HECW1: variants seen among roughly 807,000 people sequenced by gnomAD.
HECW1 encodes E3 ubiquitin-protein ligase HECW1.
In HECW1, 61 loss-of-function variants were observed where a neutral mutation model predicts 182.3. The ratio of observed to expected loss-of-function variants is 0.33; its 90% CI spans 0.27 to 0.41. HECW1 has a LOEUF of 0.41. HECW1 is among the 10% of genes least tolerant of loss of function. The pLI is 1.00. For missense variants in HECW1, 1,739 were observed against 2,108.9 expected (o/e 0.82, Z 3.44); for synonymous variants, 859 against 832.6 (o/e 1.03, Z -0.55).
In HECW1 at chr7:43,557,679, G is replaced by C. The variant is rs192310501; in HGVS notation, c.4709+2889G>C. Among the ~76,000 whole-genome samples, 132 of 152,170 alleles carry C rather than the reference G, an allele frequency of 8.7e-4. 1 individual carries two copies. Among genetic ancestry groups the C allele is most frequent in the African/African-American group, 3.1e-3 (128 of 41,494 alleles). ...GTCATAATAAGTTAGAAGTTCAGAG[G>C]GTCAGAAGGAACCAAAGATCTATCT... is the stretch of plus-strand genomic sequence containing the variant. On this transcript the variant is annotated intron_variant, in intron 29 of 29. Transcript: ENST00000395891.
intron 2 of HECW1, among the ~76,000 whole-genome samples, chr7:43,133,039 A>T (rs1787131455): frequency 6.6e-6 from 1 of 152,132 alleles, no homozygotes; most frequent in Non-Finnish European, 1.5e-5. Flanking sequence ...CTAAACATTG[A>T]ATTTGGGGGA....
intron 8 of HECW1, among the ~76,000 whole-genome samples, chr7:43,434,662 A>T (rs1174882903): frequency 6.6e-6 from 1 of 151,984 alleles, no homozygotes; most frequent in African/African-American, 2.4e-5. Flanking sequence ...GTCTACATGG[A>T]CTCCAGTAAC....
chr7:43,362,625 C>T lies in HECW1; in HGVS notation c.555+1645C>T, dbSNP rs533027415. 1.4e-4 allele frequency among the ~76,000 whole-genome samples: 22 copies of T among 152,274 alleles called. No individual in the cohort carries two copies. In the East Asian group the frequency reaches 3.9e-3, roughly 27 times the overall value. On this transcript the variant is annotated intron_variant, in intron 6 of 29. Transcript: ENST00000395891. ...CCAGACATGTCCTGACACCTGTTAG[C>T]CAATCATTGAGGGTGGAGTGACAAC...
chr7:43,463,456 A>G (rs2077655781), intron 13 of HECW1, among the ~76,000 whole-genome samples: 1 of 152,206 alleles, frequency 6.6e-6, no homozygotes, highest in Non-Finnish European at 1.5e-5. Context: ...AACTCATCAT[A>G]GCTTGCAAAA....
intron 17 of HECW1, among the ~76,000 whole-genome samples, chr7:43,488,694 GA>G (rs1236841031): frequency 2.6e-5 from 4 of 152,106 alleles, no homozygotes; most frequent in Non-Finnish European, 4.4e-5. Context: ...AGCCCTGCCT[GA>G]AACTGTCTTC....
At chr7:43,388,939 G>A (rs957905092) in intron 6 of HECW1, among the ~76,000 whole-genome samples, 4 of 152,188 alleles carry the variant, frequency 2.6e-5, no homozygotes, top group Non-Finnish European at 5.9e-5. Context: ...TTCACAGGCC[G>A]AGGGGACAGC....
intron 16 of HECW1, among the ~76,000 whole-genome samples, chr7:43,477,040 A>G (rs2078242512): frequency 6.6e-6 from 1 of 152,296 alleles, no homozygotes; most frequent in South Asian, 2.1e-4. Context: ...GGGAACAGAC[A>G]TCGCAGGCAA....
intron 2 of HECW1, among the ~76,000 whole-genome samples, chr7:43,189,319 G>A (rs550029732): frequency 9.2e-5 from 14 of 152,124 alleles, no homozygotes; most frequent in Non-Finnish European, 1.9e-4. Context: ...GATTCAGTAG[G>A]TGAGGGTGGG....
intron 2 of HECW1, among the ~76,000 whole-genome samples, chr7:43,189,800 A>G (rs1172631950): frequency 6.6e-6 from 1 of 152,208 alleles, no homozygotes; most frequent in Non-Finnish European, 1.5e-5. Context: ...CAATTAACCA[A>G]ACTTTAAGTA....
At chr7:43,378,793 G>A (rs2074426094) in intron 6 of HECW1, among the ~76,000 whole-genome samples, 1 of 151,258 alleles carries the variant, frequency 6.6e-6, no homozygotes, top group Non-Finnish European at 1.5e-5. Flanking sequence ...GCAACAGAGT[G>A]AGACTGTCTC....
intron 8 of HECW1, among the ~76,000 whole-genome samples, chr7:43,435,696 T>C (rs942299028): frequency 3.2e-4 from 49 of 152,182 alleles, no homozygotes; most frequent in Admixed American, 3.0e-3. Flanking sequence ...AGAGGGTGGC[T>C]GCTCCATCAG....
intron 2 of HECW1, among the ~76,000 whole-genome samples, chr7:43,139,616 C>T (rs867021809): frequency 6.6e-6 from 1 of 152,078 alleles, no homozygotes; most frequent in African/African-American, 2.4e-5. Flanking sequence ...TTGTTTCCAC[C>T]TCCATTTTAT....
At chr7:43,252,113 C>T (rs1298412429) in intron 3 of HECW1, among the ~76,000 whole-genome samples, 3 of 152,226 alleles carry the variant, frequency 2.0e-5, no homozygotes, top group Non-Finnish European at 4.4e-5. Flanking sequence ...CAGAACCATA[C>T]ACCTGCGAGC....
At chr7:43,488,492 A>G (rs1051276041) in intron 17 of HECW1, among the ~76,000 whole-genome samples, 44 of 132,470 alleles carry the variant, frequency 3.3e-4, no homozygotes, top group African/African-American at 7.9e-4. Context: ...AAGAAAGAGA[A>G]AGAAAGAAAG....
chr7:43,238,060 G>T (rs1798548359), intron 2 of HECW1, among the ~76,000 whole-genome samples: 3 of 152,188 alleles, frequency 2.0e-5, no homozygotes, highest in Admixed American at 2.0e-4. Context: ...TGTTTTTAAT[G>T]AAAACACCCT....
intron 8 of HECW1, among the ~76,000 whole-genome samples, chr7:43,431,360 G>A (rs746175390): frequency 2.0e-5 from 3 of 152,104 alleles, no homozygotes; most frequent in Non-Finnish European, 4.4e-5. Flanking sequence ...TGCATTCCTA[G>A]CTATGTCACT....
chr7:43,201,460 C>T (rs150655718), intron 2 of HECW1, among the ~76,000 whole-genome samples: 20 of 152,324 alleles, frequency 1.3e-4, no homozygotes, highest in East Asian at 1.9e-4. Context: ...TGAGAATCCA[C>T]GCTCAATGGG....
At chr7:43,199,917 ATTTTAAGATTTAATTCTG>A (rs1794877751) in intron 2 of HECW1, among the ~76,000 whole-genome samples, 2 of 152,120 alleles carry the variant, frequency 1.3e-5, no homozygotes, top group Non-Finnish European at 2.9e-5. Flanking sequence ...ACTGAGGGCA[ATTTTAAGATTTAATTCTG>A]TTTGTATTTA....
chr7:43,455,133 T>TTG (rs934009573), intron 12 of HECW1, among the ~76,000 whole-genome samples: 6 of 152,086 alleles, frequency 3.9e-5, no homozygotes, highest in African/African-American at 1.4e-4. Flanking sequence ...TTTTCTTTTT[T>TTG]TTTGTTTTCT....
Sources: gnomAD v4.1 joint callset for allele counts (sites outside exome capture counted in the v4.1 genomes callset) on GRCh38, gnomAD v4.1.1 for gene constraint, MANE v1.5 for transcripts, NCBI Gene and HGNC (gene_info 2026-07-23, HGNC 2026-07-21) for gene names.